Variants in FSD2 observed in about 807,000 individuals in gnomAD.
FSD2 encodes fibronectin type III and SPRY domain-containing protein 2.
In FSD2, 71 loss-of-function variants were observed where a neutral mutation model predicts 80.4. The observed-to-expected ratio is 0.88, with a 90% CI of 0.73 to 1.08. The LOEUF is 1.08. Ranked by LOEUF, FSD2 falls within the 50% of genes least tolerant of loss-of-function variation. The probability of loss-of-function intolerance (pLI) is 0.00; values close to 1 mark genes in which losing one functional copy is unlikely to be tolerated. For synonymous variants in FSD2, 361 were observed against 329.5 expected, an observed-to-expected ratio of 1.10 and a Z score of -1.03; for missense variants, 923 against 913.8, an observed-to-expected ratio of 1.01 and a Z score of -0.13.
chr15:82,766,914 C>G (rs939491858), intron 9 of FSD2, among the ~76,000 whole-genome samples: 3 of 152,084 alleles, frequency 2.0e-5, no homozygotes, highest in Non-Finnish European at 4.4e-5. Flanking sequence ...TATATTGCTG[C>G]GGTTGCCAAC....
chr15:82,803,163 A>G (rs1474178611), intron 1 of FSD2, among the ~76,000 whole-genome samples: 1 of 151,894 alleles, frequency 6.6e-6, no homozygotes, highest in Non-Finnish European at 1.5e-5. Flanking sequence ...CTCCTTCCTA[A>G]AGCACAGAGT....
intron 12 of FSD2, 127 bp downstream of exon 12, chr15:82,761,975 G>T: frequency 1.1e-6 from 1 of 874,684 alleles, no homozygotes; most frequent in Non-Finnish European, 1.6e-6. Context: ...GTGGCTGGCA[G>T]CAACTCCTGA....
At position 82,759,233 on chromosome 15, in the gene FSD2, G is replaced by T. The variant is rs777940223; in HGVS notation, c.*115C>A. On this transcript the variant is annotated 3_prime_UTR_variant, in exon 13 of 13. Coordinates refer to ENST00000334574, the MANE Select transcript of FSD2 (RefSeq NM_001007122.4). ...TAGCACACCAGTCAGATAATAGCATGAGCCATAAATTGTGCTGGGCACATG... is the reference window on the plus strand; with the variant it reads ...TAGCACACCAGTCAGATAATAGCATTAGCCATAAATTGTGCTGGGCACATG... 1.3e-5 allele frequency: 15 copies of T among 1,123,386 alleles called. No homozygotes were observed. The highest frequency in any genetic ancestry group is 1.9e-5 in the Non-Finnish European group (15 of 805,280). The allele number at this position is 1,123,386 out of a possible 1,614,324, so 69.6% of individuals were successfully genotyped here.
In FSD2 at chr15:82,755,940, T is replaced by G; in HGVS notation, c.*3408A>C. ...GTTTTAAAAGCTGGATTTGGTTATG[T>G]TCTTCTGGAGACTAAGAAAATAGAG... On this transcript the variant is annotated 3_prime_UTR_variant, in exon 13 of 13. Coordinates refer to ENST00000334574, the MANE Select transcript of FSD2 (RefSeq NM_001007122.4). The G allele has an allele frequency of 2.0e-6, 1 of 508,158 alleles. No homozygotes were observed. The highest frequency in any genetic ancestry group is 1.4e-5 in the South Asian group (1 of 69,034). The allele number at this position is 508,158 out of a possible 1,614,324, so 31.5% of individuals were successfully genotyped here.
intron 7 of FSD2, among the ~76,000 whole-genome samples, 163 bp downstream of exon 7, chr15:82,771,910 C>T (rs1319760064): frequency 6.6e-6 from 1 of 152,248 alleles, no homozygotes; most frequent in Non-Finnish European, 1.5e-5. Context: ...CCCAGCGTGC[C>T]TTGCTAGCCC....
chr15:82,802,406 T>A (rs2050436488), intron 1 of FSD2, among the ~76,000 whole-genome samples: 1 of 152,214 alleles, frequency 6.6e-6, no homozygotes, highest in East Asian at 1.9e-4. Flanking sequence ...CCTGAATCCC[T>A]TGTTGTAGTG....
chr15:82,757,419 C>T lies in FSD2; in HGVS notation c.*1929G>A, dbSNP rs1003166071. ...CCATCTCGGCTCACTGCAAGCTCCA[C>T]CTCCCGGGTTCACGCCATTCTCCTG... On this transcript the variant is annotated 3_prime_UTR_variant, in exon 13 of 13. Transcript: ENST00000334574. 6.7e-6 allele frequency: 1 copy of T among 149,430 alleles called. No homozygotes were observed. The highest frequency in any genetic ancestry group is 1.5e-5 in the Non-Finnish European group (1 of 67,706). The allele number at this position is 149,430 out of a possible 1,614,324, so 9.3% of individuals were successfully genotyped here. A position where few individuals can be genotyped will look rare whatever the true frequency, so the allele number is the denominator to read the frequency against.
intron 6 of FSD2, among the ~76,000 whole-genome samples, chr15:82,777,540 T>C (rs2049742820): frequency 6.6e-6 from 1 of 152,068 alleles, no homozygotes; most frequent in Non-Finnish European, 1.5e-5. Flanking sequence ...CCTGCTAGGA[T>C]GATATTGTCA....
chr15:82,771,804 G>A (rs772703648), intron 7 of FSD2, among the ~76,000 whole-genome samples: 1 of 152,250 alleles, frequency 6.6e-6, no homozygotes, highest in Non-Finnish European at 1.5e-5. Context: ...TGCACACAGG[G>A]CAGCCAGAGA....
chr15:82,779,021 G>C, intron 5 of FSD2, 134 bp from the exon 6 acceptor site: 1 of 1,066,768 alleles, frequency 9.4e-7, no homozygotes, highest in Non-Finnish European at 1.4e-6. Context: ...ACAGCTGCTG[G>C]CTGCCATCTA....
At chr15:82,767,421 G>A (rs1166557303) in intron 9 of FSD2, among the ~76,000 whole-genome samples, 1 of 152,202 alleles carries the variant, frequency 6.6e-6, no homozygotes, top group Non-Finnish European at 1.5e-5. Flanking sequence ...CAATGTGGTG[G>A]GATCTTGAGA....
chr15:82,759,281 C>T lies in FSD2; in HGVS notation c.*67G>A, dbSNP rs1252487280. ...ATGGTGCTTAAGTGCCAGGTTCAGCCAGCTAAGGCGTGAGCAGCTGCGAGA... is the reference window on the plus strand; with the variant it reads ...ATGGTGCTTAAGTGCCAGGTTCAGCTAGCTAAGGCGTGAGCAGCTGCGAGA... On this transcript the variant is annotated 3_prime_UTR_variant, in exon 13 of 13. Coordinates refer to ENST00000334574, the MANE Select transcript of FSD2 (RefSeq NM_001007122.4). 3 of 1,545,118 alleles carry T rather than the reference C, an allele frequency of 1.9e-6. No homozygotes were observed. Among genetic ancestry groups the T allele is most frequent in the South Asian group, 2.4e-5 (2 of 82,020 alleles).
At chr15:82,805,140 A>ATTTTTTTTT (rs57346494) in intron 1 of FSD2, among the ~76,000 whole-genome samples, 1 of 131,612 alleles carries the variant, frequency 7.6e-6, no homozygotes. Flanking sequence ...TCCCCCAATA[A>ATTTTTTTTT]TTTTTTTTTT....
At position 82,772,124 on chromosome 15, in the gene FSD2, G is replaced by T; in HGVS notation, c.1216C>A (p.Gln406Lys). Residue 406 changes from glutamine to lysine, a missense_variant, in exon 7 of 13, where the codon CAG becomes AAG. Transcript: ENST00000334574. ...LYSDDTVESY[Q>K]LSYRPVQDSS... ...TCCTGCACTGGCCGGTAGGACAGCT[G>T]ATAGCTCTCCACAGTGTCGTCGGAG... 6.2e-7 allele frequency: 1 copy of T among 1,608,174 alleles called. No homozygotes were observed. Among genetic ancestry groups the T allele is most frequent in the Non-Finnish European group, 8.5e-7 (1 of 1,177,742 alleles).
chr15:82,778,157 T>A (rs28844600), intron 6 of FSD2, among the ~76,000 whole-genome samples: 36 of 129,860 alleles, frequency 2.8e-4, no homozygotes, highest in East Asian at 1.5e-3. Flanking sequence ...TATATATATA[T>A]AATAACTATT....
At chr15:82,775,472 T>C (rs559779189) in intron 6 of FSD2, among the ~76,000 whole-genome samples, 2 of 152,296 alleles carry the variant, frequency 1.3e-5, no homozygotes, top group Admixed American at 6.5e-5. Flanking sequence ...GATGCCTTTC[T>C]ATCTTTCTCT....
rs2049205968 is a variant in FSD2 at position 82,757,832 on chromosome 15, CAG to C, written c.*1514_*1515del. 1 of 152,106 alleles carries C rather than the reference CAG, an allele frequency of 6.6e-6. No individual in the cohort carries two copies. Among genetic ancestry groups the C allele is most frequent in the South Asian group, 2.1e-4 (1 of 4,830 alleles). The allele number at this position is 152,106 out of a possible 1,614,324, so 9.4% of individuals were successfully genotyped here. The stretch of plus-strand genomic sequence containing the variant: ...CTGAGCTGCCATTTATACGAGTAGG[CAG>C]AGTTTAGTAGGAGATGAGAGTCTTT... On this transcript the variant is annotated 3_prime_UTR_variant, in exon 13 of 13. Transcript: ENST00000334574.
chr15:82,792,172 A>G (rs1265894786), intron 1 of FSD2, among the ~76,000 whole-genome samples: 1 of 152,208 alleles, frequency 6.6e-6, no homozygotes, highest in Non-Finnish European at 1.5e-5. Context: ...CTTATGTTTA[A>G]CTTTCTGAAA....
At chr15:82,801,981 GGCCAGTGTTTTGCCTCCACA>G (rs1209920504) in intron 1 of FSD2, among the ~76,000 whole-genome samples, 3 of 152,074 alleles carry the variant, frequency 2.0e-5, no homozygotes, top group African/African-American at 4.8e-5. Flanking sequence ...CAGGCACCAG[GGCCAGTGTTTTGCCTCCACA>G]GCCAGTGTTT....
Sources: gnomAD v4.1 joint callset for allele counts (sites outside exome capture counted in the v4.1 genomes callset) on GRCh38, gnomAD v4.1.1 for gene constraint, MANE v1.5 for transcripts, NCBI Gene and HGNC (gene_info 2026-07-23, HGNC 2026-07-21) for gene names.